Variants in IL6ST observed in about 807,000 individuals in gnomAD.
IL6ST encodes interleukin-6 receptor subunit beta.
Under a neutral mutation model 91.3 loss-of-function variants are expected in IL6ST, and 24 were observed. The observed-to-expected ratio is 0.26, with a 90% confidence interval of 0.19 to 0.37. IL6ST has a LOEUF of 0.37. Among genes scored for constraint, IL6ST ranks in the 10% least tolerant of loss-of-function variants. The pLI is 1.00. For missense variants in IL6ST, 914 were observed against 1,078.5 expected (o/e 0.85, Z 2.14); for synonymous variants, 351 against 373.6 (o/e 0.94, Z 0.70).
At chr5:55,962,646 T>C (rs1752390036) in intron 7 of IL6ST, among the ~76,000 whole-genome samples, 1 of 152,160 alleles carries the variant, frequency 6.6e-6, no homozygotes, top group Non-Finnish European at 1.5e-5. Context: ...TGTAAAGAAA[T>C]GAGTGTGGCT....
At chr5:55,946,539 G>C (rs1332202268) in intron 15 of IL6ST, among the ~76,000 whole-genome samples, 5 of 152,200 alleles carry the variant, frequency 3.3e-5, no homozygotes, top group African/African-American at 7.2e-5. Flanking sequence ...AGGTAGGCCA[G>C]GTGTGGTGAC....
At chr5:55,985,275 G>A (rs1322733371) in intron 1 of IL6ST, among the ~76,000 whole-genome samples, 1 of 152,050 alleles carries the variant, frequency 6.6e-6, no homozygotes, top group Non-Finnish European at 1.5e-5. Context: ...CATCACTTTG[G>A]GAGGCCGAAG....
intron 15 of IL6ST, 52 bp from the exon 16 acceptor site, chr5:55,942,803 A>C (rs758240836): frequency 1.1e-6 from 1 of 935,098 alleles, no homozygotes; most frequent in African/African-American, 1.6e-5. Context: ...ATAAACAATA[A>C]ATAGTCCCTA....
intron 15 of IL6ST, among the ~76,000 whole-genome samples, chr5:55,943,093 A>C (rs1459481836): frequency 6.6e-6 from 1 of 152,168 alleles, no homozygotes; most frequent in Non-Finnish European, 1.5e-5. Flanking sequence ...AAGAATCCAG[A>C]TAACAAATTA....
intron 1 of IL6ST, 43 bp downstream of exon 1, chr5:55,994,741 C>T (rs1051749468): frequency 1.3e-5 from 2 of 152,582 alleles, no homozygotes; most frequent in African/African-American, 2.4e-5. Flanking sequence ...ACCACCGACA[C>T]TCTAACTCCA....
At chr5:55,941,869 A>G (rs1198606142) in intron 16 of IL6ST, 50 bp from the exon 17 acceptor site, 1 of 1,479,208 alleles carries the variant, frequency 6.8e-7, no homozygotes, top group African/African-American at 1.4e-5. Flanking sequence ...AAAGCCACAG[A>G]GCTAATGCAT....
At chr5:55,982,903 T>A (rs961598901) in intron 1 of IL6ST, 92 bp from the exon 2 acceptor site, 8 of 394,832 alleles carry the variant, frequency 2.0e-5, no homozygotes, top group Non-Finnish European at 3.6e-5. Context: ...CTTAGGCTTT[T>A]GGGTTTGCAG....
In IL6ST at chr5:55,940,030, A is replaced by AG; in HGVS notation, c.*1051_*1052insC. The AG allele has an allele frequency of 8.3e-6, 1 of 120,256 alleles. No individual in the cohort carries two copies. Among genetic ancestry groups the AG allele is most frequent in the East Asian group, 8.7e-5 (1 of 11,504 alleles). The allele number at this position is 120,256 out of a possible 1,614,324, so 7.4% of individuals were successfully genotyped here. Reference sequence around the variant, plus strand: ...AATCTTTGCCTACTTATTTAAAAATAAAAAAAATACTCAAAACAAATTTAA... The same window carrying AG: ...AATCTTTGCCTACTTATTTAAAAATAGAAAAAAATACTCAAAACAAATTTAA... On this transcript the variant is annotated 3_prime_UTR_variant, in exon 17 of 17. Transcript: ENST00000381298.
chr5:55,968,994 G>C (rs1752795535), intron 4 of IL6ST, among the ~76,000 whole-genome samples: 1 of 152,184 alleles, frequency 6.6e-6, no homozygotes, highest in Non-Finnish European at 1.5e-5. Context: ...AGGAGTTTGA[G>C]ACCAGCCTGG....
rs763297261 is a variant in IL6ST, at chr5:55,964,328, T to G, written c.492-16A>C. ...GTGTGTTGCCCTAAATACAAAAAAT[T>G]GAAGAATCAGTCATTAAAAACACAT... On this transcript the variant is annotated splice_polypyrimidine_tract_variant and intron_variant, in intron 5 of 16. Transcript: ENST00000381298. 1.3e-6 allele frequency: 2 copies of G among 1,586,960 alleles called. No homozygotes were observed. Among genetic ancestry groups the G allele is most frequent in the African/African-American group, 1.4e-5 (1 of 73,720 alleles).
At chr5:55,983,000 C>CTTT (rs111793262) in intron 1 of IL6ST, among the ~76,000 whole-genome samples, 189 bp from the exon 2 acceptor site, 3 of 136,818 alleles carry the variant, frequency 2.2e-5, no homozygotes, top group Non-Finnish European at 3.2e-5. Flanking sequence ...TATTCTAGTG[C>CTTT]TTTTTTTTTT....
At chr5:55,944,652 C>T (rs1182928751) in intron 15 of IL6ST, 19 of 991,318 alleles carry the variant, frequency 1.9e-5, no homozygotes, top group South Asian at 1.5e-4. Context: ...GAAACCTCGG[C>T]GCCATGAGAG....
chr5:55,976,731 A>C (rs1753313539), intron 2 of IL6ST, among the ~76,000 whole-genome samples: 1 of 152,252 alleles, frequency 6.6e-6, no homozygotes, highest in South Asian at 2.1e-4. Context: ...ATCACTAAAA[A>C]ATTCTAACAC....
intron 8 of IL6ST, 135 bp from the exon 9 acceptor site, chr5:55,957,426 ATTTT>A: frequency 2.1e-6 from 1 of 477,228 alleles, no homozygotes. Flanking sequence ...TTATACCAGC[ATTTT>A]CCCAACCCAG....
chr5:55,957,846 A>T (rs1179772138), intron 8 of IL6ST, among the ~76,000 whole-genome samples: 1 of 152,162 alleles, frequency 6.6e-6, no homozygotes, highest in Non-Finnish European at 1.5e-5. Flanking sequence ...TTTTTAAAAT[A>T]AAGTTTTTAA....
At chr5:55,971,415 G>A (rs923970324) in intron 3 of IL6ST, among the ~76,000 whole-genome samples, 2 of 152,266 alleles carry the variant, frequency 1.3e-5, no homozygotes, top group East Asian at 1.9e-4. Context: ...GTCAGTTACT[G>A]TTCTAAAATA....
At chr5:55,943,420 T>C (rs969740186) in intron 15 of IL6ST, among the ~76,000 whole-genome samples, 2 of 152,178 alleles carry the variant, frequency 1.3e-5, no homozygotes, top group Non-Finnish European at 2.9e-5. Flanking sequence ...CTATACAAAC[T>C]CTTTCAGAAA....
chr5:55,951,392 T>A, intron 14 of IL6ST, 72 bp downstream of exon 14: 1 of 1,143,598 alleles, frequency 8.7e-7, no homozygotes, highest in Non-Finnish European at 1.3e-6. Context: ...AACACAATTT[T>A]AGCACATAAA....
chr5:55,969,134 C>G (rs1752806099), intron 4 of IL6ST, among the ~76,000 whole-genome samples: 1 of 150,152 alleles, frequency 6.7e-6, no homozygotes, highest in African/African-American at 2.5e-5. Flanking sequence ...GGGCAGTGAG[C>G]TGAGATGATG....
Sources: allele counts gnomAD v4.1 joint callset (sites outside exome capture counted in the v4.1 genomes callset), GRCh38; gene constraint gnomAD v4.1.1; transcripts MANE v1.5; gene names NCBI Gene and HGNC (gene_info 2026-07-23, HGNC 2026-07-21).